Variants in GPC5 observed in about 807,000 individuals in gnomAD.
The protein encoded by GPC5 is glypican-5.
GPC5 carries 47 observed loss-of-function variants against 53.9 expected under a neutral mutation model. The ratio of observed to expected loss-of-function variants is 0.87; its 90% confidence interval spans 0.69 to 1.11. The LOEUF (loss-of-function observed/expected upper bound fraction) is 1.11, where lower values mean the gene tolerates loss of function less well. Among genes scored for constraint, GPC5 ranks in the 50% most tolerant of loss-of-function variants. The probability of loss-of-function intolerance (pLI) is 0.00; values close to 1 mark genes in which losing one functional copy is unlikely to be tolerated. For missense variants in GPC5, 748 were observed against 713.1 expected, an observed-to-expected ratio of 1.05 and a Z score of -0.56; for synonymous variants, 286 against 263.3, an observed-to-expected ratio of 1.09 and a Z score of -0.84.
At position 92,038,739 on chromosome 13, in the gene GPC5, T is replaced by A. The variant is rs147642895; in HGVS notation, c.1402-106091T>A. ...ATAGTATATACATATATTTGACATGTCTTTGGCATATATGTATTACTCAAT... is the reference window on the plus strand; with the variant it reads ...ATAGTATATACATATATTTGACATGACTTTGGCATATATGTATTACTCAAT... On this transcript the variant is annotated intron_variant, in intron 6 of 7. Transcript: ENST00000377067. Among the ~76,000 whole-genome samples, 699 of 152,060 alleles carry A rather than the reference T, an allele frequency of 4.6e-3. 8 individuals carry two copies. Among genetic ancestry groups the A allele is most frequent in the African/African-American group, 0.016 (663 of 41,506 alleles).
chr13:92,712,344 G>T (rs1888167460), intron 7 of GPC5, among the ~76,000 whole-genome samples: 1 of 151,274 alleles, frequency 6.6e-6, no homozygotes. Context: ...AACCCAAAAT[G>T]ATAAGAAAAT....
intron 7 of GPC5, among the ~76,000 whole-genome samples, chr13:92,281,090 G>A (rs9516035): frequency 0.085 from 13,002 of 152,236 alleles, 611 homozygotes; most frequent in Middle Eastern, 0.12. Context: ...ATGGCACACT[G>A]GGAGATAATA....
Position 91,798,472 on chromosome 13 carries a change from G to A in GPC5, c.1280+42052G>A, listed in dbSNP as rs570138553. On this transcript the variant is annotated intron_variant, in intron 5 of 7. Transcript: ENST00000377067. ...TTTTGTGTTCCCCCATTAGTTTGCC[G>A]AGGATAACAGCTTCCAGCTCCATCC... Among the ~76,000 whole-genome samples, 100 of 152,218 alleles carry A rather than the reference G, an allele frequency of 6.6e-4. 1 individual carries two copies. The highest frequency in any genetic ancestry group is 2.3e-3 in the African/African-American group (96 of 41,544).
intron 7 of GPC5, among the ~76,000 whole-genome samples, chr13:92,615,878 C>T (rs1368111308): frequency 6.6e-6 from 1 of 151,970 alleles, no homozygotes; most frequent in Non-Finnish European, 1.5e-5. Flanking sequence ...CAGGTGAAAC[C>T]CCGTCTCTAC....
chr13:92,573,840 T>C (rs1216079514), intron 7 of GPC5, among the ~76,000 whole-genome samples: 1 of 152,188 alleles, frequency 6.6e-6, no homozygotes, highest in African/African-American at 2.4e-5. Flanking sequence ...AGCATACCAA[T>C]GTCTTCATAC....
At chr13:91,469,208 A>C (rs1464925142) in intron 2 of GPC5, among the ~76,000 whole-genome samples, 1 of 151,776 alleles carries the variant, frequency 6.6e-6, no homozygotes, top group Non-Finnish European at 1.5e-5. Flanking sequence ...TCCCGCATTC[A>C]AGTGATTCTC....
intron 5 of GPC5, among the ~76,000 whole-genome samples, chr13:91,800,712 A>G (rs944436496): frequency 1.3e-5 from 2 of 152,056 alleles, no homozygotes; most frequent in African/African-American, 2.4e-5. Flanking sequence ...TTTCTCCTTC[A>G]TATATTTGAA....
At chr13:92,119,838 T>C (rs1594770893) in intron 6 of GPC5, among the ~76,000 whole-genome samples, 1 of 152,044 alleles carries the variant, frequency 6.6e-6, no homozygotes, top group East Asian at 1.9e-4. Context: ...TCTGAAAATA[T>C]TTGTATTAAG....
intron 6 of GPC5, among the ~76,000 whole-genome samples, chr13:92,008,048 G>A (rs1324964387): frequency 1.3e-5 from 2 of 149,916 alleles, no homozygotes; most frequent in Non-Finnish European, 3.0e-5. Context: ...AGAACACGGT[G>A]AATGAGAATA....
chr13:92,149,116 TA>T (rs1329646805), intron 7 of GPC5, among the ~76,000 whole-genome samples: 4 of 151,996 alleles, frequency 2.6e-5, no homozygotes, highest in Non-Finnish European at 5.9e-5. Context: ...CAGACACTTT[TA>T]AAAAGTAAGG....
intron 7 of GPC5, among the ~76,000 whole-genome samples, chr13:92,379,579 G>C (rs1424059696): frequency 6.7e-6 from 1 of 148,248 alleles, no homozygotes; most frequent in Non-Finnish European, 1.5e-5. Context: ...GTTCCTCTCT[G>C]TGCCCCCTGC....
intron 2 of GPC5, among the ~76,000 whole-genome samples, chr13:91,642,431 C>T (rs557834197): frequency 4.6e-5 from 7 of 152,168 alleles, no homozygotes; most frequent in African/African-American, 1.4e-4. Context: ...ACACAGGAAG[C>T]GACTGAAAAG....
At chr13:91,922,637 CTCTG>C (rs370225992) in intron 6 of GPC5, among the ~76,000 whole-genome samples, 2 of 152,250 alleles carry the variant, frequency 1.3e-5, no homozygotes, top group African/African-American at 4.8e-5. Context: ...TTCCTTGGCA[CTCTG>C]TAACTAACTT....
intron 6 of GPC5, among the ~76,000 whole-genome samples, chr13:91,963,911 TTGG>T (rs2040151699): frequency 1.3e-5 from 2 of 152,182 alleles, no homozygotes; most frequent in Non-Finnish European, 2.9e-5. Flanking sequence ...TTTTACACTG[TTGG>T]TGGGACTGTA....
At chr13:92,747,637 A>G (rs749444549) in intron 7 of GPC5, among the ~76,000 whole-genome samples, 3 of 152,202 alleles carry the variant, frequency 2.0e-5, no homozygotes, top group Non-Finnish European at 4.4e-5. Flanking sequence ...AAGTCTCTTA[A>G]CGAAACCCAT....
intron 2 of GPC5, among the ~76,000 whole-genome samples, chr13:91,597,050 C>G (rs2033020192): frequency 6.6e-6 from 1 of 152,196 alleles, no homozygotes; most frequent in South Asian, 2.1e-4. Context: ...AGCTCCTCTG[C>G]CCACTGCAAG....
At chr13:92,606,538 C>T (rs145931063) in intron 7 of GPC5, among the ~76,000 whole-genome samples, 45 of 152,268 alleles carry the variant, frequency 3.0e-4, no homozygotes, top group African/African-American at 8.9e-4. Flanking sequence ...AATAGTGCTG[C>T]AATAAACATA....
chr13:92,109,981 G>T (rs1041173432), intron 6 of GPC5, among the ~76,000 whole-genome samples: 1 of 152,060 alleles, frequency 6.6e-6, no homozygotes, highest in Non-Finnish European at 1.5e-5. Context: ...GCAGAGAAAT[G>T]ATAAATATAA....
At chr13:92,160,585 C>G (rs1278010915) in intron 7 of GPC5, among the ~76,000 whole-genome samples, 1 of 151,990 alleles carries the variant, frequency 6.6e-6, no homozygotes, top group Non-Finnish European at 1.5e-5. Context: ...GAAAATCATC[C>G]CTTGAACCAT....
Sources: allele counts gnomAD v4.1 joint callset (sites outside exome capture counted in the v4.1 genomes callset), GRCh38; gene constraint gnomAD v4.1.1; transcripts MANE v1.5; gene names NCBI Gene and HGNC (gene_info 2026-07-23, HGNC 2026-07-21).